TRABD2A: variants seen among roughly 807,000 people sequenced by gnomAD.
The protein encoded by TRABD2A is TraB domain containing 2A, also known as metalloprotease TIKI1.
In TRABD2A, 43 loss-of-function variants were observed where a neutral mutation model predicts 45.6. The observed-to-expected ratio is 0.94, with a 90% CI of 0.74 to 1.22. TRABD2A has a LOEUF of 1.22. Among genes scored for constraint, TRABD2A ranks in the 50% most tolerant of loss-of-function variants. The pLI, the probability that TRABD2A is intolerant of heterozygous loss-of-function variation, is 0.00. For synonymous variants in TRABD2A, 269 were observed against 265.0 expected (o/e 1.02, Z -0.15); for missense variants, 642 against 652.4 (o/e 0.98, Z 0.17).
intron 5 of TRABD2A, among the ~76,000 whole-genome samples, chr2:84,826,212 A>G (rs1274193073): frequency 2.6e-5 from 4 of 152,202 alleles, no homozygotes; most frequent in African/African-American, 4.8e-5. Context: ...GCTGTGTTCT[A>G]TGGTTTGAAA....
chr2:84,865,227 G>GA (rs72303233), intron 2 of TRABD2A, among the ~76,000 whole-genome samples: 20,918 of 150,846 alleles, frequency 0.14, 1,844 homozygotes, highest in African/African-American at 0.26. Context: ...GCATTGTGGG[G>GA]AAAAAAAAAG....
chr2:84,868,085 T>G (rs991612383), intron 2 of TRABD2A, among the ~76,000 whole-genome samples: 1 of 152,144 alleles, frequency 6.6e-6, no homozygotes, highest in African/African-American at 2.4e-5. Context: ...CCATTACTGG[T>G]TATATACCCA....
chr2:84,834,301 G>A (rs932070656), intron 4 of TRABD2A: 3 of 152,204 alleles, frequency 2.0e-5, no homozygotes, highest in East Asian at 1.9e-4. Context: ...ACTTACAGAA[G>A]AAGAAAACTA....
At chr2:84,867,203 T>C (rs528055469) in intron 2 of TRABD2A, among the ~76,000 whole-genome samples, 1 of 152,276 alleles carries the variant, frequency 6.6e-6, no homozygotes, top group Non-Finnish European at 1.5e-5. Flanking sequence ...TTTAAACAAC[T>C]CTACCTTGCT....
intron 1 of TRABD2A, chr2:84,879,644 G>A: frequency 1.0e-6 from 1 of 983,356 alleles, no homozygotes; most frequent in Non-Finnish European, 1.2e-6. Context: ...AAGGCAATGT[G>A]CTTTCTTGTG....
At chr2:84,847,123 G>T (rs534120171) in intron 2 of TRABD2A, among the ~76,000 whole-genome samples, 4 of 152,338 alleles carry the variant, frequency 2.6e-5, no homozygotes, top group Non-Finnish European at 5.9e-5. Flanking sequence ...TCTCCAGTGA[G>T]GAGCCAAGTC....
intron 2 of TRABD2A, chr2:84,843,455 C>T (rs541264441): frequency 6.6e-6 from 1 of 152,380 alleles, no homozygotes. Flanking sequence ...GTTTGCCTCC[C>T]ATGGGCCAAG....
intron 2 of TRABD2A, among the ~76,000 whole-genome samples, chr2:84,858,991 C>T (rs1682406386): frequency 6.6e-6 from 1 of 152,190 alleles, no homozygotes; most frequent in Non-Finnish European, 1.5e-5. Flanking sequence ...TAAAAACCTG[C>T]ATCACAGATT....
At chr2:84,855,254 G>C (rs1682235037) in intron 2 of TRABD2A, among the ~76,000 whole-genome samples, 1 of 149,802 alleles carries the variant, frequency 6.7e-6, no homozygotes, top group South Asian at 2.2e-4. Context: ...AGAAGGGCAA[G>C]ATACAGGAGA....
At chr2:84,836,947 A>C (rs1451635123) in intron 4 of TRABD2A, 1 of 150,756 alleles carries the variant, frequency 6.6e-6, no homozygotes, top group Non-Finnish European at 1.5e-5. Context: ...TATTGTTCTC[A>C]AACTTTCCTT....
intron 3 of TRABD2A, among the ~76,000 whole-genome samples, chr2:84,840,639 G>A (rs1192625713): frequency 1.3e-5 from 2 of 152,020 alleles, no homozygotes. Flanking sequence ...CAAATCCTCC[G>A]CCCACATTAA....
chr2:84,851,145 A>G (rs1351794582), intron 2 of TRABD2A: 1 of 152,240 alleles, frequency 6.6e-6, no homozygotes, highest in Non-Finnish European at 1.5e-5. Flanking sequence ...ACTCTTTATC[A>G]TTGGAGGCCA....
intron 2 of TRABD2A, among the ~76,000 whole-genome samples, chr2:84,865,859 C>T (rs1682658325): frequency 6.6e-6 from 1 of 152,216 alleles, no homozygotes; most frequent in Non-Finnish European, 1.5e-5. Context: ...TGAGACACCA[C>T]CCTGCTGAGC....
chr2:84,831,596 T>C (rs1681340425), intron 5 of TRABD2A, among the ~76,000 whole-genome samples: 2 of 151,648 alleles, frequency 1.3e-5, no homozygotes, highest in Admixed American at 1.3e-4. Flanking sequence ...AAAAGGTGCT[T>C]TCTCCTGCCC....
intron 1 of TRABD2A, among the ~76,000 whole-genome samples, chr2:84,873,569 CTG>C (rs1383311692): frequency 2.6e-5 from 4 of 152,174 alleles, no homozygotes; most frequent in Non-Finnish European, 4.4e-5. Flanking sequence ...GAAATGGAAA[CTG>C]TACATCTACC....
At chr2:84,866,491 GA>G (rs539933133) in intron 2 of TRABD2A, among the ~76,000 whole-genome samples, 1 of 151,482 alleles carries the variant, frequency 6.6e-6, no homozygotes, top group African/African-American at 2.4e-5. Context: ...TAACTTCTTT[GA>G]AAAAAAATCT....
intron 2 of TRABD2A, among the ~76,000 whole-genome samples, chr2:84,855,551 C>T (rs11677080): frequency 1.3e-5 from 2 of 151,974 alleles, no homozygotes; most frequent in Admixed American, 6.5e-5. Flanking sequence ...GCCTTCTGAA[C>T]GTTGTGCTCA....
chr2:84,880,869 G>A (rs1683180380), intron 1 of TRABD2A, 63 bp downstream of exon 1: 1 of 1,546,782 alleles, frequency 6.5e-7, no homozygotes, highest in Non-Finnish European at 8.7e-7. Context: ...GCGGGGTTCG[G>A]AGGGAAACCA....
At chr2:84,837,506 CTCCCTTAG>C (rs1331987300) in intron 4 of TRABD2A, 1 of 152,176 alleles carries the variant, frequency 6.6e-6, no homozygotes, top group African/African-American at 2.4e-5. Flanking sequence ...CTCATCTCCT[CTCCCTTAG>C]TCCCAGGTGC....
Sources: allele counts gnomAD v4.1 joint callset (sites outside exome capture counted in the v4.1 genomes callset), GRCh38; gene constraint gnomAD v4.1.1; transcripts MANE v1.5; gene names NCBI Gene and HGNC (gene_info 2026-07-23, HGNC 2026-07-21).